KITLG: variants seen among roughly 807,000 people sequenced by gnomAD.
KITLG encodes c-Kit ligand.
KITLG carries 13 observed loss-of-function variants against 34.1 expected under a neutral mutation model. That is an observed-to-expected ratio of 0.38 (90% CI 0.25 to 0.61). KITLG has a LOEUF of 0.61. Among genes scored for constraint, KITLG ranks in the 20% least tolerant of loss-of-function variants. KITLG has a pLI of 0.60. For missense variants in KITLG, 292 were observed against 318.9 expected (o/e 0.92, Z 0.64); for synonymous variants, 110 against 104.0 (o/e 1.06, Z -0.35).
intron 9 of KITLG, among the ~76,000 whole-genome samples, chr12:88,504,414 A>T (rs1868972006): frequency 6.6e-6 from 1 of 152,216 alleles, no homozygotes. Flanking sequence ...ACAAATTTAC[A>T]AGAAAAAATC....
intron 1 of KITLG, among the ~76,000 whole-genome samples, chr12:88,559,970 C>T (rs1871243971): frequency 6.6e-6 from 1 of 152,172 alleles, no homozygotes; most frequent in East Asian, 1.9e-4. Context: ...CAATTGCAGG[C>T]TCACTGTTTA....
chr12:88,519,396 C>G (rs1375699316), intron 3 of KITLG, among the ~76,000 whole-genome samples: 1 of 152,076 alleles, frequency 6.6e-6, no homozygotes, highest in Non-Finnish European at 1.5e-5. Flanking sequence ...GTATTTTGAA[C>G]ACTGCTGAAA....
At chr12:88,513,769 C>T (rs906369145) in intron 6 of KITLG, among the ~76,000 whole-genome samples, 1 of 151,298 alleles carries the variant, frequency 6.6e-6, no homozygotes, top group African/African-American at 2.4e-5. Context: ...ATATATGAAG[C>T]AAAAAACCCA....
At chr12:88,554,941 A>T (rs1871048767) in intron 1 of KITLG, among the ~76,000 whole-genome samples, 1 of 152,160 alleles carries the variant, frequency 6.6e-6, no homozygotes, top group Admixed American at 6.5e-5. Flanking sequence ...ACTCAGACCA[A>T]CTTGGAGTCC....
At chr12:88,509,040 C>A (rs1869177629) in intron 6 of KITLG, among the ~76,000 whole-genome samples, 1 of 151,996 alleles carries the variant, frequency 6.6e-6, no homozygotes, top group African/African-American at 2.4e-5. Flanking sequence ...TGCTGTGGCC[C>A]CCATTATCTA....
In KITLG at chr12:88,507,107, C is replaced by G. The variant is rs777171439; in HGVS notation, c.635G>C (p.Ser212Thr). 1.2e-6 allele frequency: 2 copies of G among 1,613,550 alleles called. No individual in the cohort carries two copies. Among genetic ancestry groups the G allele is most frequent in the East Asian group, 4.5e-5 (2 of 44,846 alleles). Reference protein sequence around the residue: ...RKAKNPPGDSSLHWAAMALPA... With the variant: ...RKAKNPPGDSTLHWAAMALPA... ...CAATGCCATGGCTGCCCAGTGTAGG[C>G]TGGAGTCTCCAGGGGGATTTTTGGC... The change falls in exon 7 of 10, where the codon AGC becomes ACC. Residue 212 changes from serine to threonine, a missense_variant. Transcript: ENST00000644744.
intron 1 of KITLG, among the ~76,000 whole-genome samples, chr12:88,572,877 T>C (rs1871701979): frequency 6.6e-6 from 1 of 152,114 alleles, no homozygotes. Flanking sequence ...ATGACAAATG[T>C]GCTAAGGTCA....
At chr12:88,529,130 T>C (rs956768658) in intron 3 of KITLG, among the ~76,000 whole-genome samples, 1 of 152,174 alleles carries the variant, frequency 6.6e-6, no homozygotes, top group Non-Finnish European at 1.5e-5. Flanking sequence ...ACACAACTCT[T>C]ATGTATCCAT....
chr12:88,548,206 A>G (rs1386790684), intron 1 of KITLG, among the ~76,000 whole-genome samples: 1 of 152,174 alleles, frequency 6.6e-6, no homozygotes, highest in African/African-American at 2.4e-5. Flanking sequence ...CTGTAATCCC[A>G]GCACTTTAGG....
Position 88,549,777 on chromosome 12 carries a change from A to G in KITLG, c.16-3912T>C, listed in dbSNP as rs892044567. Among the ~76,000 whole-genome samples the G allele has an allele frequency of 1.7e-4, 26 of 152,196 alleles. 1 individual carries two copies. The highest frequency in any genetic ancestry group is 6.3e-4 in the African/African-American group (26 of 41,442). On this transcript the variant is annotated intron_variant, in intron 1 of 9. Coordinates refer to ENST00000644744, the MANE Select transcript of KITLG (RefSeq NM_000899.5). Reference sequence around the variant, plus strand: ...TATAAGCAAATGAGTGGATGAGATCACCAAGGGAGTGAGTAAAAGTATAAA... The same window carrying G: ...TATAAGCAAATGAGTGGATGAGATCGCCAAGGGAGTGAGTAAAAGTATAAA...
chr12:88,524,373 A>T (rs895594902), intron 3 of KITLG, among the ~76,000 whole-genome samples: 4 of 152,230 alleles, frequency 2.6e-5, no homozygotes, highest in South Asian at 4.1e-4. Flanking sequence ...AAATTTTATT[A>T]AAAAATCTAA....
At chr12:88,523,427 T>G (rs569036815) in intron 3 of KITLG, among the ~76,000 whole-genome samples, 1 of 152,220 alleles carries the variant, frequency 6.6e-6, no homozygotes, top group Non-Finnish European at 1.5e-5. Flanking sequence ...TGAAGTGTTT[T>G]TTTCTGCTGA....
At chr12:88,578,996 G>A (rs990109704) in intron 1 of KITLG, among the ~76,000 whole-genome samples, 8 of 152,168 alleles carry the variant, frequency 5.3e-5, no homozygotes, top group Non-Finnish European at 1.0e-4. Context: ...AGAGGGGAGA[G>A]GCACATCGCG....
intron 1 of KITLG, 47 bp from the exon 2 acceptor site, chr12:88,545,912 G>A (rs1363350657): frequency 1.4e-5 from 16 of 1,136,536 alleles, no homozygotes; most frequent in Non-Finnish European, 2.0e-5. Context: ...GTTAAGATCT[G>A]TAATCATTCA....
chr12:88,500,322 C>T (rs1050676071), intron 9 of KITLG, among the ~76,000 whole-genome samples: 5 of 152,216 alleles, frequency 3.3e-5, no homozygotes, highest in Non-Finnish European at 5.9e-5. Context: ...GTCATTCATT[C>T]CAGTATCTAG....
At chr12:88,525,995 G>A (rs1355862164) in intron 3 of KITLG, among the ~76,000 whole-genome samples, 2 of 152,208 alleles carry the variant, frequency 1.3e-5, no homozygotes, top group Non-Finnish European at 2.9e-5. Context: ...ATTTGGATAA[G>A]TGGATGGGAG....
At chr12:88,550,509 T>C (rs1870859082) in intron 1 of KITLG, among the ~76,000 whole-genome samples, 1 of 152,194 alleles carries the variant, frequency 6.6e-6, no homozygotes, top group South Asian at 2.1e-4. Flanking sequence ...AACAATTCCA[T>C]GAATAGAGCT....
chr12:88,544,633 T>C (rs1219254182), intron 2 of KITLG, among the ~76,000 whole-genome samples: 1 of 152,052 alleles, frequency 6.6e-6, no homozygotes, highest in East Asian at 1.9e-4. Context: ...TACTGATACA[T>C]CTGCTGCTGC....
chr12:88,543,915 G>A (rs1052880416), intron 2 of KITLG, among the ~76,000 whole-genome samples: 8 of 151,962 alleles, frequency 5.3e-5, no homozygotes, highest in South Asian at 2.1e-4. Context: ...AGGTCATCTC[G>A]CACAAGTTTA....
Sources: allele counts gnomAD v4.1 joint callset (sites outside exome capture counted in the v4.1 genomes callset), GRCh38; gene constraint gnomAD v4.1.1; transcripts MANE v1.5; gene names NCBI Gene and HGNC (gene_info 2026-07-23, HGNC 2026-07-21).